The following DBT variants were observed in gnomAD, a reference collection of about 807,000 sequenced individuals.
The protein encoded by DBT is lipoamide acyltransferase component of branched-chain alpha-keto acid dehydrogenase complex, mitochondrial.
Under a neutral mutation model 51.3 loss-of-function variants are expected in DBT, and 40 were observed. The observed-to-expected ratio is 0.78, with a 90% CI of 0.61 to 1.02. The LOEUF (loss-of-function observed/expected upper bound fraction) is 1.02, where lower values mean the gene tolerates loss of function less well. Among genes scored for constraint, DBT ranks in the 50% least tolerant of loss-of-function variants. The probability of loss-of-function intolerance (pLI) is 0.00; values close to 1 mark genes in which losing one functional copy is unlikely to be tolerated. For missense variants in DBT, 510 were observed against 580.2 expected (o/e 0.88, Z 1.24); for synonymous variants, 181 against 190.4 (o/e 0.95, Z 0.41).
Position 100,196,014 on chromosome 1 carries a change from C to T in DBT, c.*241G>A. On this transcript the variant is annotated 3_prime_UTR_variant, in exon 11 of 11. Coordinates refer to ENST00000370132, the MANE Select transcript of DBT (RefSeq NM_001918.5). The stretch of plus-strand genomic sequence containing the variant: ...CAAGCCATTGACACAAAAACATCAG[C>T]ACCATATTAAGAAGTCACACTCTGA... 1 of 544,822 alleles carries T rather than the reference C, an allele frequency of 1.8e-6. No homozygotes were observed. Among genetic ancestry groups the T allele is most frequent in the Non-Finnish European group, 3.3e-6 (1 of 305,490 alleles). 33.7% of individuals were successfully genotyped at this position (544,822 alleles called of 1,614,324 possible).
chr1:100,225,601 GA>G (rs1663149035), intron 4 of DBT, among the ~76,000 whole-genome samples: 1 of 151,934 alleles, frequency 6.6e-6, no homozygotes, highest in African/African-American at 2.4e-5. Flanking sequence ...GAGGCAGGCA[GA>G]TCACTTGAGG....
chr1:100,215,022 T>A, intron 6 of DBT, 39 bp from the exon 7 acceptor site: 3 of 1,357,092 alleles, frequency 2.2e-6, no homozygotes, highest in Non-Finnish European at 3.1e-6. Flanking sequence ...ATTTAAATTC[T>A]CAAATCTCTT....
chr1:100,210,346 GAATAAGAAT>G (rs1272925957), intron 8 of DBT, among the ~76,000 whole-genome samples: 1 of 146,418 alleles, frequency 6.8e-6, no homozygotes, highest in East Asian at 2.0e-4. Context: ...AGAAGAAGAA[GAATAAGAAT>G]AATAATATTA....
intron 5 of DBT, among the ~76,000 whole-genome samples, chr1:100,218,140 G>A (rs935588599): frequency 2.5e-4 from 38 of 152,174 alleles, no homozygotes; most frequent in Admixed American, 6.5e-4. Context: ...GTTCTCCCTT[G>A]CACCCTCAGA....
At chr1:100,200,661 C>A (rs576584387) in intron 10 of DBT, among the ~76,000 whole-genome samples, 2 of 152,160 alleles carry the variant, frequency 1.3e-5, no homozygotes, top group African/African-American at 4.8e-5. Flanking sequence ...GGAGAGCTCT[C>A]GCTGGCATCT....
At chr1:100,246,823 A>C (rs977489123) in intron 1 of DBT, among the ~76,000 whole-genome samples, 4 of 152,218 alleles carry the variant, frequency 2.6e-5, no homozygotes, top group Non-Finnish European at 5.9e-5. Flanking sequence ...CACGTGCTAT[A>C]ATGAAGGAAA....
At chr1:100,218,836 T>A in intron 4 of DBT, 89 bp from the exon 5 acceptor site, 1 of 977,786 alleles carries the variant, frequency 1.0e-6, no homozygotes, top group Non-Finnish European at 1.6e-6. Context: ...ATGTGGCCTA[T>A]AATATCTAAA....
At chr1:100,215,027 T>A in intron 6 of DBT, 44 bp from the exon 7 acceptor site, 9 of 1,335,404 alleles carry the variant, frequency 6.7e-6, no homozygotes, top group Admixed American at 4.2e-5. Context: ...AATTCTCAAA[T>A]CTCTTCATCC....
At chr1:100,223,920 T>C (rs1039441262) in intron 4 of DBT, among the ~76,000 whole-genome samples, 13 of 152,184 alleles carry the variant, frequency 8.5e-5, no homozygotes, top group African/African-American at 2.9e-4. Flanking sequence ...CAGATACAAG[T>C]TGGCATACCT....
chr1:100,208,365 G>A (rs1162987750), intron 8 of DBT, among the ~76,000 whole-genome samples: 1 of 152,056 alleles, frequency 6.6e-6, no homozygotes, highest in Non-Finnish European at 1.5e-5. Context: ...AGCATTTCAG[G>A]TAACGGATAC....
intron 7 of DBT, among the ~76,000 whole-genome samples, chr1:100,213,095 GTCCT>G (rs1451522543): frequency 6.6e-6 from 1 of 152,216 alleles, no homozygotes; most frequent in Non-Finnish European, 1.5e-5. Flanking sequence ...TTAGCTGTAA[GTCCT>G]TAACAAGTTT....
chr1:100,235,479 A>G lies in DBT; in HGVS notation c.208T>C (p.Ser70Pro). ...LRGQVVQFKL[S>P]DIGEGIREVT... ...TCTCTAATCCCTTCTCCAATGTCTG[A>G]GAGCTTGAACTGAACAACCTGTCCA... The change falls in exon 3 of 11, where the codon TCA (serine) becomes CCA (proline). Residue 70 changes from serine to proline, a missense_variant. Coordinates refer to ENST00000370132, the MANE Select transcript of DBT (RefSeq NM_001918.5). 6.3e-7 allele frequency: 1 copy of G among 1,598,652 alleles called. No homozygotes were observed. The highest frequency in any genetic ancestry group is 8.6e-7 in the Non-Finnish European group (1 of 1,167,194).
At chr1:100,244,694 A>G (rs574751324) in intron 1 of DBT, among the ~76,000 whole-genome samples, 1 of 152,284 alleles carries the variant, frequency 6.6e-6, no homozygotes, top group South Asian at 2.1e-4. Context: ...TAATTTATAA[A>G]TCAGACACAG....
intron 2 of DBT, among the ~76,000 whole-genome samples, chr1:100,236,110 C>CA (rs932902686): frequency 4.6e-5 from 7 of 150,634 alleles, no homozygotes; most frequent in African/African-American, 9.8e-5. Flanking sequence ...TTTTTGGAGA[C>CA]AGAGTCTCAC....
At chr1:100,221,882 TA>T (rs1662874287) in intron 4 of DBT, among the ~76,000 whole-genome samples, 1 of 152,208 alleles carries the variant, frequency 6.6e-6, no homozygotes, top group Non-Finnish European at 1.5e-5. Flanking sequence ...TAGGTATTTC[TA>T]AGAATAACAT....
At position 100,206,171 on chromosome 1, in the gene DBT, A is replaced by G. The variant is rs868506779; in HGVS notation, c.1281+59T>C. ...GAAACCTTAGAAATGGTTACTCTTC[A>G]TTGTGTTTAGTCCCTGAATTTGCTT... On this transcript the variant is annotated intron_variant, in intron 10 of 10. Transcript: ENST00000370132. The G allele has an allele frequency of 8.8e-6, 10 of 1,141,008 alleles. No individual in the cohort carries two copies. In the Middle Eastern group the frequency reaches 5.9e-4, roughly 67 times the overall value. 70.7% of individuals were successfully genotyped at this position (1,141,008 alleles called of 1,614,324 possible).
At chr1:100,238,578 C>T (rs540440157) in intron 2 of DBT, among the ~76,000 whole-genome samples, 60 of 152,144 alleles carry the variant, frequency 3.9e-4, no homozygotes, top group Middle Eastern at 3.4e-3. Flanking sequence ...TCACTGCAGC[C>T]TCAAACTCTG....
chr1:100,237,276 C>A (rs188220883), intron 2 of DBT, among the ~76,000 whole-genome samples: 1 of 152,274 alleles, frequency 6.6e-6, no homozygotes, highest in East Asian at 1.9e-4. Flanking sequence ...AATGGTCAGA[C>A]ACATGAGTGA....
intron 1 of DBT, 109 bp downstream of exon 1, chr1:100,249,661 C>T: frequency 9.4e-7 from 1 of 1,060,060 alleles, no homozygotes; most frequent in East Asian, 2.4e-5. Context: ...ACCTCTCCAT[C>T]ACGCGTGCCC....
Sources: gnomAD v4.1 joint callset for allele counts (sites outside exome capture counted in the v4.1 genomes callset) on GRCh38, gnomAD v4.1.1 for gene constraint, MANE v1.5 for transcripts, NCBI Gene and HGNC (gene_info 2026-07-23, HGNC 2026-07-21) for gene names.